Variants in SLAIN1 observed in about 807,000 individuals in gnomAD.
The protein encoded by SLAIN1 is SLAIN family member 1, also known as SLAIN motif-containing protein 1.
SLAIN1 carries 17 observed loss-of-function variants against 55.4 expected under a neutral mutation model. The ratio of observed to expected loss-of-function variants is 0.31; its 90% CI spans 0.21 to 0.46. The LOEUF is 0.46. SLAIN1 is among the 20% of genes least tolerant of loss of function. SLAIN1 has a pLI of 1.00. For synonymous variants in SLAIN1, 348 were observed against 337.4 expected (o/e 1.03, Z -0.35); for missense variants, 682 against 785.1 (o/e 0.87, Z 1.57).
chr13:77,714,160 TTAAAG>T (rs1168516975), intron 1 of SLAIN1, among the ~76,000 whole-genome samples: 2 of 150,588 alleles, frequency 1.3e-5, no homozygotes, highest in Non-Finnish European at 2.9e-5. Flanking sequence ...ATCCCAGAAC[TTAAAG>T]TATAGTAATA....
At chr13:77,731,589 C>T (rs554217257) in intron 2 of SLAIN1, among the ~76,000 whole-genome samples, 4 of 152,098 alleles carry the variant, frequency 2.6e-5, no homozygotes, top group African/African-American at 9.7e-5. Flanking sequence ...CAGTGATTGA[C>T]TCTCAGGCTT....
intron 2 of SLAIN1, among the ~76,000 whole-genome samples, chr13:77,735,515 G>T (rs180816292): frequency 6.6e-6 from 1 of 152,100 alleles, no homozygotes; most frequent in East Asian, 1.9e-4. Context: ...TGCCTGTTCT[G>T]TATGGCCTAA....
At chr13:77,740,094 G>C (rs541845730) in intron 2 of SLAIN1, among the ~76,000 whole-genome samples, 2 of 152,218 alleles carry the variant, frequency 1.3e-5, no homozygotes, top group African/African-American at 4.8e-5. Flanking sequence ...AGACACTGTA[G>C]AGGTGGGCAT....
At chr13:77,753,110 G>A in intron 4 of SLAIN1, 93 bp from the exon 5 acceptor site, 1 of 1,136,326 alleles carries the variant, frequency 8.8e-7, no homozygotes, top group Non-Finnish European at 1.2e-6. Context: ...ATTTATTATT[G>A]AGCACAATAT....
intron 1 of SLAIN1, among the ~76,000 whole-genome samples, chr13:77,708,922 T>C (rs1163920638): frequency 1.3e-5 from 2 of 151,936 alleles, no homozygotes; most frequent in Admixed American, 6.6e-5. Flanking sequence ...GTTTGATGAA[T>C]TGACAGAAAT....
At chr13:77,718,857 A>G (rs1392348315) in intron 1 of SLAIN1, among the ~76,000 whole-genome samples, 1 of 152,168 alleles carries the variant, frequency 6.6e-6, no homozygotes, top group Non-Finnish European at 1.5e-5. Context: ...AAGCTTTTTT[A>G]TAACTTGCAG....
Position 77,744,258 on chromosome 13 carries a change from A to C in SLAIN1, c.767-25A>C, listed in dbSNP as rs544796568. On this transcript the variant is annotated intron_variant, in intron 2 of 6. Coordinates refer to ENST00000418532, the MANE Select transcript of SLAIN1 (RefSeq NM_001242868.2). ...TAGATATCAGTCCTGCAGATGGAAGAACACACTTTTCCTTTGTGTTTCAGG... is the reference window on the plus strand; with the variant it reads ...TAGATATCAGTCCTGCAGATGGAAGCACACACTTTTCCTTTGTGTTTCAGG... The C allele has an allele frequency of 6.2e-5, 94 of 1,522,346 alleles. No homozygotes were observed. In the South Asian group the frequency reaches 1.0e-3, roughly 17 times the overall value. 94.3% of individuals were successfully genotyped at this position (1,522,346 alleles called of 1,614,324 possible).
In SLAIN1 at chr13:77,744,407, G is replaced by C. The variant is rs1873676300; in HGVS notation, c.891G>C (p.Gln297His). The C allele has an allele frequency of 1.2e-6, 2 of 1,612,414 alleles. No individual in the cohort carries two copies. The highest frequency in any genetic ancestry group is 8.5e-7 in the Non-Finnish European group (1 of 1,179,256). ...GYKLQDLTDV[Q>H]IMARLQEESL... ...AATTACAGGACCTCACTGATGTTCA[G>C]ATCATGGCTCGTCTGCAAGAAGAAA... Residue 297 changes from glutamine (Q) to histidine (H), a missense_variant, in exon 3 of 7, where the codon CAG becomes CAC. Physicochemically the swap from Gln to His is conservative, Grantham distance 24. Coordinates refer to ENST00000418532, the MANE Select transcript of SLAIN1 (RefSeq NM_001242868.2).
intron 4 of SLAIN1, among the ~76,000 whole-genome samples, chr13:77,751,015 G>C (rs528335638): frequency 6.6e-6 from 1 of 152,188 alleles, no homozygotes; most frequent in African/African-American, 2.4e-5. Flanking sequence ...CATTTAATAG[G>C]TGTTAGTAAT....
At chr13:77,705,200 A>G (rs970256258) in intron 1 of SLAIN1, among the ~76,000 whole-genome samples, 2 of 151,832 alleles carry the variant, frequency 1.3e-5, no homozygotes, top group African/African-American at 4.8e-5. Flanking sequence ...GACAGTTGTC[A>G]TACTTCATTG....
chr13:77,753,088 G>A, intron 4 of SLAIN1, 115 bp from the exon 5 acceptor site: 3 of 949,262 alleles, frequency 3.2e-6, no homozygotes, highest in Non-Finnish European at 4.5e-6. Flanking sequence ...TCATCAACAT[G>A]TAATAATTTG....
intron 2 of SLAIN1, among the ~76,000 whole-genome samples, chr13:77,737,317 A>G (rs1594278310): frequency 6.6e-6 from 1 of 152,050 alleles, no homozygotes; most frequent in East Asian, 1.9e-4. Context: ...CACCAGGTCT[A>G]TTTACAAGCC....
intron 2 of SLAIN1, among the ~76,000 whole-genome samples, chr13:77,722,895 C>G (rs1211948455): frequency 6.6e-6 from 1 of 152,014 alleles, no homozygotes; most frequent in Admixed American, 6.6e-5. Context: ...TACAGGTACA[C>G]GCAACCACGC....
chr13:77,705,145 C>T (rs1326688674), intron 1 of SLAIN1, among the ~76,000 whole-genome samples: 1 of 151,636 alleles, frequency 6.6e-6, no homozygotes, highest in Non-Finnish European at 1.5e-5. Context: ...AAAAAGATGA[C>T]TTTAGAACCA....
At chr13:77,734,037 T>G (rs1011230842) in intron 2 of SLAIN1, among the ~76,000 whole-genome samples, 1 of 152,138 alleles carries the variant, frequency 6.6e-6, no homozygotes, top group Admixed American at 6.6e-5. Context: ...TCACCTTGGT[T>G]TTTGAATTCT....
At chr13:77,711,664 C>A (rs1414014385) in intron 1 of SLAIN1, among the ~76,000 whole-genome samples, 1 of 152,178 alleles carries the variant, frequency 6.6e-6, no homozygotes, top group African/African-American at 2.4e-5. Flanking sequence ...GAGCTGGTAC[C>A]ATTCCTTCTG....
At position 77,698,326 on chromosome 13, in the gene SLAIN1, G is replaced by A; in HGVS notation, c.413G>A (p.Ser138Asn). ...LPSPAPSLLCSLAQPPEAPFV... is the reference protein window; with the variant it reads ...LPSPAPSLLCNLAQPPEAPFV... ...AGCCCCGCGCCCTCCCTGCTTTGCA[G>A]CCTGGCGCAGCCACCCGAGGCGCCC... is the stretch of plus-strand genomic sequence containing the variant. The change falls in exon 1 of 7, where the codon AGC becomes AAC. Residue 138 changes from serine (S) to asparagine (N), a missense_variant. Ser to Asn is a conservative substitution (Grantham distance 46). This residue lies in a region of SLAIN1 where 401 missense variants were observed against 417.3 expected (regional missense o/e 0.96). Coordinates refer to ENST00000418532, the MANE Select transcript of SLAIN1 (RefSeq NM_001242868.2). The surrounding 1 kb of genome is among the most constrained non-coding windows in gnomAD (Gnocchi z 4.1). The A allele has an allele frequency of 6.9e-7, 1 of 1,448,386 alleles. No homozygotes were observed. 89.7% of individuals were successfully genotyped at this position (1,448,386 alleles called of 1,614,324 possible).
In SLAIN1 at chr13:77,698,388, G is replaced by T; in HGVS notation, c.475G>T (p.Ala159Ser). The change falls in exon 1 of 7, where the codon GCG becomes TCG. Residue 159 changes from alanine (A) to serine (S), a missense_variant. By Grantham distance (99) the Ala-to-Ser change is moderately conservative. Coordinates refer to ENST00000418532, the MANE Select transcript of SLAIN1 (RefSeq NM_001242868.2). The surrounding 1 kb of genome is among the most constrained non-coding windows in gnomAD (Gnocchi z 4.1). ...CAAGCCGGCAGCAGGCTTCTTCGGC[G>T]CGGGCGGTGGCGGGCCGGAGCCGGG... ...YFKPAAGFFGAGGGGPEPGGA... is the reference protein window; with the variant it reads ...YFKPAAGFFGSGGGGPEPGGA... The T allele has an allele frequency of 7.1e-7, 1 of 1,412,524 alleles. No individual in the cohort carries two copies. Among genetic ancestry groups the T allele is most frequent in the Non-Finnish European group, 9.2e-7 (1 of 1,084,294 alleles). The allele number at this position is 1,412,524 out of a possible 1,614,324, so 87.5% of individuals were successfully genotyped here.
At chr13:77,748,305 C>T (rs1199192552) in intron 4 of SLAIN1, among the ~76,000 whole-genome samples, 1 of 147,462 alleles carries the variant, frequency 6.8e-6, no homozygotes, top group Non-Finnish European at 1.5e-5. Flanking sequence ...TATTAAAGCT[C>T]ATAGATCAGA....
Sources: allele counts gnomAD v4.1 joint callset (sites outside exome capture counted in the v4.1 genomes callset), GRCh38; gene constraint gnomAD v4.1.1; regional missense constraint gnomAD v4.1.1; non-coding constraint Gnocchi (gnomAD v3.1); transcripts MANE v1.5; gene names NCBI Gene and HGNC (gene_info 2026-07-23, HGNC 2026-07-21).